The following MIPEP variants were observed in gnomAD, a reference collection of about 807,000 sequenced individuals.
The protein encoded by MIPEP is mitochondrial intermediate peptidase.
In MIPEP, 79 loss-of-function variants were observed where a neutral mutation model predicts 90.3. The ratio of observed to expected loss-of-function variants is 0.87; its 90% CI spans 0.73 to 1.05. The LOEUF (loss-of-function observed/expected upper bound fraction) is 1.05, where lower values mean the gene tolerates loss of function less well. Among genes scored for constraint, MIPEP ranks in the 50% least tolerant of loss-of-function variants. The pLI is 0.00. For missense variants in MIPEP, 940 were observed against 905.6 expected (o/e 1.04, Z -0.49); for synonymous variants, 334 against 315.8 (o/e 1.06, Z -0.61).
intron 16 of MIPEP, among the ~76,000 whole-genome samples, chr13:23,798,815 C>A (rs2137387461): frequency 6.6e-6 from 1 of 152,058 alleles, no homozygotes; most frequent in South Asian, 2.1e-4. Flanking sequence ...GAGGCCTTCC[C>A]AGAAGCTGAG....
intron 14 of MIPEP, among the ~76,000 whole-genome samples, chr13:23,833,824 G>A (rs1351000747): frequency 2.0e-5 from 3 of 151,988 alleles, no homozygotes; most frequent in African/African-American, 4.8e-5. Flanking sequence ...CGCGCCCCTC[G>A]CCAGACCCTC....
intron 2 of MIPEP, among the ~76,000 whole-genome samples, chr13:23,882,486 G>T (rs1273363925): frequency 6.6e-6 from 1 of 151,996 alleles, no homozygotes; most frequent in Non-Finnish European, 1.5e-5. Context: ...AATAAAATAT[G>T]AGTTCGTAGT....
chr13:23,765,209 A>T (rs1342484880), intron 16 of MIPEP, among the ~76,000 whole-genome samples: 3 of 152,102 alleles, frequency 2.0e-5, no homozygotes, highest in African/African-American at 7.2e-5. Context: ...TGGGTCCTAG[A>T]ACCAATTCCC....
intron 16 of MIPEP, among the ~76,000 whole-genome samples, chr13:23,789,695 T>A (rs1306281916): frequency 6.6e-6 from 1 of 152,072 alleles, no homozygotes; most frequent in Non-Finnish European, 1.5e-5. Context: ...TAAAAACAGA[T>A]CTCACTTTCC....
chr13:23,836,258 T>C lies in MIPEP; in HGVS notation c.1635A>G (p.Arg545=). ...NDYRVVNQFA[R]HYQTGQPLPK... The stretch of plus-strand genomic sequence containing the variant: ...TTCCTACCTGTCCAGTCTGATAATG[T>C]CTGGCAAATTGGTTAACTACTCGAT... The change falls in exon 14 of 19, where the codon AGA becomes AGG. Residue 545 remains arginine (R), a synonymous_variant. Transcript: ENST00000382172. 1 of 1,602,676 alleles carries C rather than the reference T, an allele frequency of 6.2e-7. No homozygotes were observed. Among genetic ancestry groups the C allele is most frequent in the Non-Finnish European group, 8.5e-7 (1 of 1,174,922 alleles).
At chr13:23,868,099 G>A (rs188954966) in intron 7 of MIPEP, among the ~76,000 whole-genome samples, 3 of 152,068 alleles carry the variant, frequency 2.0e-5, no homozygotes, top group African/African-American at 7.2e-5. Context: ...ATCTGTTTAG[G>A]AGCTTCGATT....
At chr13:23,776,895 TTTTG>T (rs1275479394) in intron 16 of MIPEP, among the ~76,000 whole-genome samples, 3 of 152,180 alleles carry the variant, frequency 2.0e-5, no homozygotes, top group Non-Finnish European at 4.4e-5. Flanking sequence ...TTTGTGGTAC[TTTTG>T]TTTCAGTTTC....
intron 15 of MIPEP, among the ~76,000 whole-genome samples, chr13:23,809,063 C>A (rs546236479): frequency 6.6e-6 from 1 of 152,122 alleles, no homozygotes; most frequent in Non-Finnish European, 1.5e-5. Flanking sequence ...CAAACATCTA[C>A]GCATCTGATG....
intron 7 of MIPEP, among the ~76,000 whole-genome samples, chr13:23,866,917 T>C (rs1361564896): frequency 6.6e-6 from 1 of 152,162 alleles, no homozygotes; most frequent in Non-Finnish European, 1.5e-5. Context: ...ACTCTCTTTC[T>C]AGTTGCTTAG....
chr13:23,837,346 G>A (rs936812000), intron 13 of MIPEP, among the ~76,000 whole-genome samples: 8 of 152,140 alleles, frequency 5.3e-5, no homozygotes, highest in Non-Finnish European at 1.0e-4. Context: ...ATTATTCCCT[G>A]GTGAAAGCTG....
intron 14 of MIPEP, among the ~76,000 whole-genome samples, chr13:23,822,803 T>G (rs575675045): frequency 1.3e-5 from 2 of 152,260 alleles, no homozygotes; most frequent in East Asian, 3.9e-4. Flanking sequence ...CAACTTTTTT[T>G]TTTTTTCCTA....
intron 16 of MIPEP, among the ~76,000 whole-genome samples, chr13:23,801,042 C>T (rs1953032672): frequency 6.6e-6 from 1 of 152,174 alleles, no homozygotes; most frequent in Non-Finnish European, 1.5e-5. Flanking sequence ...AAATTTGTAT[C>T]AACTCCATAA....
chr13:23,747,551 G>A (rs1450412920), intron 18 of MIPEP: 2 of 512,924 alleles, frequency 3.9e-6, no homozygotes, highest in South Asian at 2.9e-5. Context: ...CAGGATAGGA[G>A]TAAGAGAACA....
chr13:23,878,232 G>A (rs1262865994), intron 4 of MIPEP, among the ~76,000 whole-genome samples: 1 of 152,170 alleles, frequency 6.6e-6, no homozygotes, highest in Non-Finnish European at 1.5e-5. Context: ...GCAATATAAC[G>A]ATAAAGCTTA....
At chr13:23,857,194 A>G (rs1870079851) in intron 10 of MIPEP, among the ~76,000 whole-genome samples, 2 of 152,316 alleles carry the variant, frequency 1.3e-5, no homozygotes, top group African/African-American at 2.4e-5. Context: ...AACTATAGGG[A>G]GCAGGGTTTC....
intron 16 of MIPEP, among the ~76,000 whole-genome samples, chr13:23,805,251 C>G (rs1210295307): frequency 3.9e-5 from 6 of 152,180 alleles, no homozygotes. Context: ...AGTCACGGTG[C>G]TCAACTGCTC....
chr13:23,805,736 T>C (rs1953100026), intron 16 of MIPEP, among the ~76,000 whole-genome samples: 1 of 152,060 alleles, frequency 6.6e-6, no homozygotes, highest in Non-Finnish European at 1.5e-5. Flanking sequence ...TCCAAAAAGG[T>C]ACAAAAACAC....
chr13:23,745,432 C>T (rs1260188811), intron 18 of MIPEP, among the ~76,000 whole-genome samples: 1 of 152,218 alleles, frequency 6.6e-6, no homozygotes, highest in Non-Finnish European at 1.5e-5. Flanking sequence ...CATCCTCTAG[C>T]AACATTTCAT....
intron 16 of MIPEP, among the ~76,000 whole-genome samples, chr13:23,800,716 T>C (rs559109512): frequency 8.3e-4 from 126 of 152,342 alleles, no homozygotes; most frequent in South Asian, 1.5e-3. Flanking sequence ...GAGCTGCCCC[T>C]ATTAAATAGT....
Sources: gnomAD v4.1 joint callset for allele counts (sites outside exome capture counted in the v4.1 genomes callset) on GRCh38, gnomAD v4.1.1 for gene constraint, MANE v1.5 for transcripts, NCBI Gene and HGNC (gene_info 2026-07-23, HGNC 2026-07-21) for gene names.